Variants in WDTC1 observed in about 807,000 individuals in gnomAD.
WDTC1 encodes WD and tetratricopeptide repeats protein 1.
A neutral mutation model predicts 76.0 loss-of-function variants in WDTC1; 12 were observed. The observed-to-expected ratio is 0.16, with a 90% CI of 0.10 to 0.26. The LOEUF is 0.26. Among genes scored for constraint, WDTC1 ranks in the 10% least tolerant of loss-of-function variants. The pLI, the probability that WDTC1 is intolerant of heterozygous loss-of-function variation, is 1.00. For synonymous variants in WDTC1, 326 were observed against 350.8 expected (o/e 0.93, Z 0.79); for missense variants, 511 against 908.8 (o/e 0.56, Z 5.63).
intron 1 of WDTC1, among the ~76,000 whole-genome samples, chr1:27,241,296 T>C (rs1184388410): frequency 6.6e-6 from 1 of 152,154 alleles, no homozygotes; most frequent in East Asian, 1.9e-4. Flanking sequence ...CAGGGAGCTC[T>C]CCAGAGGCTG....
intron 3 of WDTC1, among the ~76,000 whole-genome samples, chr1:27,278,207 A>C (rs1406508212): frequency 6.6e-6 from 1 of 152,222 alleles, no homozygotes; most frequent in Non-Finnish European, 1.5e-5. Flanking sequence ...ATGGGAACAC[A>C]GCATACTCAC....
Position 27,306,630 on chromosome 1 carries a change from G to A in WDTC1, c.*247G>A. The A allele has an allele frequency of 1.9e-6, 1 of 534,930 alleles. No homozygotes were observed. The highest frequency in any genetic ancestry group is 3.3e-6 in the Non-Finnish European group (1 of 298,914). 33.1% of individuals were successfully genotyped at this position (534,930 alleles called of 1,614,324 possible). A position where few individuals can be genotyped will look rare whatever the true frequency, so the allele number is the denominator to read the frequency against. On this transcript the variant is annotated 3_prime_UTR_variant, in exon 16 of 16. Coordinates refer to ENST00000319394, the MANE Select transcript of WDTC1 (RefSeq NM_001276252.2). The surrounding 1 kb of genome is among the most constrained non-coding windows in gnomAD (Gnocchi z 5.0). ...AGCAGGAGGGGACACCCCTCCATAT[G>A]CCCCCCCCCATCTCCTGCTTTCATG...
In WDTC1 at chr1:27,306,286, A is replaced by G. The variant is rs1243873420; in HGVS notation, c.1937A>G (p.Asn646Ser). 1 of 1,614,134 alleles carries G rather than the reference A, an allele frequency of 6.2e-7. No individual in the cohort carries two copies. The highest frequency in any genetic ancestry group is 8.5e-7 in the Non-Finnish European group (1 of 1,180,008). ...GACCCGTTGGAGGTGATGCTGCTCAACATGGGCTACCGGATCACGGGCCTG... is the reference window on the plus strand; with the variant it reads ...GACCCGTTGGAGGTGATGCTGCTCAGCATGGGCTACCGGATCACGGGCCTG... ...NADPLEVMLLNMGYRITGLSS... is the reference protein window; with the variant it reads ...NADPLEVMLLSMGYRITGLSS... The change falls in exon 16 of 16, where the codon AAC becomes AGC. Residue 646 changes from asparagine (N) to serine (S), a missense_variant. Asn to Ser is a conservative substitution (Grantham distance 46). Transcript: ENST00000319394. The surrounding 1 kb of genome is among the most constrained non-coding windows in gnomAD (Gnocchi z 5.0).
chr1:27,289,922 C>T (rs1047492892), intron 6 of WDTC1, among the ~76,000 whole-genome samples: 15 of 151,968 alleles, frequency 9.9e-5, no homozygotes, highest in Admixed American at 2.6e-4. Flanking sequence ...TGCAGTGAGC[C>T]GAGATGGCAG....
At chr1:27,285,577 C>G (rs2013307680) in intron 5 of WDTC1, among the ~76,000 whole-genome samples, 1 of 152,048 alleles carries the variant, frequency 6.6e-6, no homozygotes, top group East Asian at 1.9e-4. Flanking sequence ...TTTTTATCCT[C>G]AAAGTTATGT....
Position 27,263,056 on chromosome 1 carries a change from C to A in WDTC1, c.49-96C>A, listed in dbSNP as rs1053110064. The A allele has an allele frequency of 3.0e-6, 4 of 1,324,992 alleles. No homozygotes were observed. In the African/African-American group the frequency reaches 5.8e-5, roughly 19 times the overall value. 82.1% of individuals were successfully genotyped at this position (1,324,992 alleles called of 1,614,324 possible). Reference sequence around the variant, plus strand: ...AGTTCCTTGTTGTCTTCTTTAGCTCCTGTGGTGCCCAGGAAAGAGCTGGAT... The same window carrying A: ...AGTTCCTTGTTGTCTTCTTTAGCTCATGTGGTGCCCAGGAAAGAGCTGGAT... On this transcript the variant is annotated intron_variant, in intron 2 of 15. Transcript: ENST00000319394.
chr1:27,241,182 C>A (rs899484030), intron 1 of WDTC1, among the ~76,000 whole-genome samples: 4 of 152,086 alleles, frequency 2.6e-5, no homozygotes, highest in African/African-American at 9.7e-5. Flanking sequence ...TGTAACAGAG[C>A]TCAGTGCCAA....
rs760287643 is a variant in WDTC1 at position 27,303,683 on chromosome 1, T to C, written c.1531T>C (p.Ser511Pro). 6.2e-7 allele frequency: 1 copy of C among 1,613,710 alleles called. No homozygotes were observed. The highest frequency in any genetic ancestry group is 2.2e-5 in the East Asian group (1 of 44,814). The change falls in exon 14 of 16, where the codon TCC becomes CCC. Residue 511 changes from serine to proline, a missense_variant. Transcript: ENST00000319394. This position sits in a 1 kb window ranked among gnomAD's most constrained non-coding sequence, Gnocchi z 4.8. ...CCTCCGCAGCACGAGCCGCAAGGACTCCATCTCAGAGGATGAAATGGTGCT... is the reference window on the plus strand; with the variant it reads ...CCTCCGCAGCACGAGCCGCAAGGACCCCATCTCAGAGGATGAAATGGTGCT... ...VRLRSTSRKDSISEDEMVLRE... is the reference protein window; with the variant it reads ...VRLRSTSRKDPISEDEMVLRE...
intron 3 of WDTC1, among the ~76,000 whole-genome samples, chr1:27,281,505 T>C (rs2013190970): frequency 6.6e-6 from 1 of 152,050 alleles, no homozygotes; most frequent in Non-Finnish European, 1.5e-5. Flanking sequence ...TGGCTGTCCT[T>C]GGATTGAATG....
chr1:27,258,107 C>G (rs892254888), intron 1 of WDTC1, among the ~76,000 whole-genome samples: 8 of 151,048 alleles, frequency 5.3e-5, no homozygotes, highest in Non-Finnish European at 1.2e-4. Flanking sequence ...TTTTAAAGAG[C>G]TTATGGTCCT....
intron 9 of WDTC1, among the ~76,000 whole-genome samples, chr1:27,295,750 G>C (rs2013666246): frequency 6.6e-6 from 1 of 151,912 alleles, no homozygotes; most frequent in African/African-American, 2.4e-5. Context: ...CACTGCACCT[G>C]ACCTTCTATT....
intron 1 of WDTC1, among the ~76,000 whole-genome samples, chr1:27,260,721 G>A (rs978564906): frequency 6.6e-6 from 1 of 152,154 alleles, no homozygotes; most frequent in African/African-American, 2.4e-5. Context: ...TTCCGATGAA[G>A]CATAACATAT....
rs1273096514 is a variant in WDTC1, at chr1:27,297,988, A to G, written c.1109A>G (p.Asn370Ser). 4 of 1,614,082 alleles carry G rather than the reference A, an allele frequency of 2.5e-6. No homozygotes were observed. Among genetic ancestry groups the G allele is most frequent in the Admixed American group, 1.7e-5 (1 of 60,012 alleles). The change falls in exon 12 of 16, where the codon AAT becomes AGT. Residue 370 changes from asparagine to serine, a missense_variant. Coordinates refer to ENST00000319394, the MANE Select transcript of WDTC1 (RefSeq NM_001276252.2). The stretch of plus-strand genomic sequence containing the variant: ...CTGGAGCGTGTGAAACAGCAAGCCA[A>G]TGAGGCTTTTGCCTGCCAGCAGTGG... ...PYLERVKQQANEAFACQQWTQ... is the reference protein window; with the variant it reads ...PYLERVKQQASEAFACQQWTQ...
rs1570990520 is a variant in WDTC1 at position 27,303,524 on chromosome 1, G to T, written c.1469-97G>T. 5.5e-6 allele frequency: 8 copies of T among 1,442,340 alleles called. No homozygotes were observed. The highest frequency in any genetic ancestry group is 2.0e-4 in the Middle Eastern group (1 of 5,102). 89.3% of individuals were successfully genotyped at this position (1,442,340 alleles called of 1,614,324 possible). A position where few individuals can be genotyped will look rare whatever the true frequency, so the allele number is the denominator to read the frequency against. ...GGGTGGAGGCAGGTAGCTCTATGTT[G>T]TCAGACTTTGGACTGAAAACAGAGC... On this transcript the variant is annotated intron_variant, in intron 13 of 15. Coordinates refer to ENST00000319394, the MANE Select transcript of WDTC1 (RefSeq NM_001276252.2). This position sits in a 1 kb window ranked among gnomAD's most constrained non-coding sequence, Gnocchi z 4.8.
At chr1:27,245,295 G>A (rs2011789255) in intron 1 of WDTC1, among the ~76,000 whole-genome samples, 1 of 150,994 alleles carries the variant, frequency 6.6e-6, no homozygotes, top group Admixed American at 6.6e-5. Context: ...ATAAAACATT[G>A]TGTGTAAGGC....
At chr1:27,239,908 T>G (rs1483450986) in intron 1 of WDTC1, among the ~76,000 whole-genome samples, 1 of 151,916 alleles carries the variant, frequency 6.6e-6, no homozygotes, top group Non-Finnish European at 1.5e-5. Flanking sequence ...CTTTCTTTTT[T>G]TAAGACAGAG....
intron 2 of WDTC1, among the ~76,000 whole-genome samples, chr1:27,262,712 A>T (rs981824647): frequency 3.3e-5 from 5 of 151,958 alleles, no homozygotes; most frequent in African/African-American, 9.7e-5. Flanking sequence ...AGCTTTGTCC[A>T]TTTGTGGAAG....
At chr1:27,294,723 C>A in intron 9 of WDTC1, 94 bp downstream of exon 9, 2 of 1,033,458 alleles carry the variant, frequency 1.9e-6, no homozygotes, top group East Asian at 2.6e-5. Context: ...GCAGACAAGA[C>A]ACAACAGCCT....
intron 3 of WDTC1, among the ~76,000 whole-genome samples, chr1:27,280,002 T>TG (rs1370729999): frequency 6.6e-6 from 1 of 152,240 alleles, no homozygotes; most frequent in Non-Finnish European, 1.5e-5. Flanking sequence ...AACAACCCTA[T>TG]GAGGCTATCT....
Sources: allele counts gnomAD v4.1 joint callset (sites outside exome capture counted in the v4.1 genomes callset), GRCh38; gene constraint gnomAD v4.1.1; non-coding constraint Gnocchi (gnomAD v3.1); transcripts MANE v1.5; gene names NCBI Gene and HGNC (gene_info 2026-07-23, HGNC 2026-07-21).